Variants in PBX3 observed in about 807,000 individuals in gnomAD.
PBX3 encodes the protein PBX homeobox 3.
PBX3 carries 14 observed loss-of-function variants against 48.5 expected under a neutral mutation model. That is an observed-to-expected ratio of 0.29 (90% CI 0.19 to 0.45). The LOEUF (loss-of-function observed/expected upper bound fraction) is 0.45, where lower values mean the gene tolerates loss of function less well. Among genes scored for constraint, PBX3 ranks in the 20% least tolerant of loss-of-function variants. The pLI is 1.00. For synonymous variants in PBX3, 210 were observed against 200.3 expected, an observed-to-expected ratio of 1.05 and a Z score of -0.41; for missense variants, 386 against 546.7, an observed-to-expected ratio of 0.71 and a Z score of 2.93.
chr9:125,795,431 G>A (rs1837749704), intron 2 of PBX3, among the ~76,000 whole-genome samples: 1 of 152,126 alleles, frequency 6.6e-6, no homozygotes, highest in African/African-American at 2.4e-5. Flanking sequence ...TCTTTTTACT[G>A]ATATTATATT....
intron 3 of PBX3, among the ~76,000 whole-genome samples, chr9:125,925,402 A>T (rs184041062): frequency 2.0e-5 from 3 of 152,248 alleles, no homozygotes; most frequent in Admixed American, 2.0e-4. Flanking sequence ...AAAGAGTACA[A>T]AAAAGGAATG....
chr9:125,752,882 AC>A (rs1330815325), intron 2 of PBX3, among the ~76,000 whole-genome samples: 2 of 152,214 alleles, frequency 1.3e-5, no homozygotes, highest in African/African-American at 4.8e-5. Flanking sequence ...AAACAAATGC[AC>A]TGTTCCATAC....
At chr9:125,887,809 A>T (rs769355562) in intron 2 of PBX3, among the ~76,000 whole-genome samples, 1 of 152,188 alleles carries the variant, frequency 6.6e-6, no homozygotes, top group Non-Finnish European at 1.5e-5. Context: ...AATTTATCTC[A>T]TGTTTATCAA....
intron 2 of PBX3, among the ~76,000 whole-genome samples, chr9:125,764,754 G>A (rs984775673): frequency 1.3e-5 from 2 of 152,076 alleles, no homozygotes; most frequent in African/African-American, 4.8e-5. Context: ...TGATTGCAAA[G>A]GTTTGCTTTT....
chr9:125,750,795 C>G (rs1836353256), intron 2 of PBX3, among the ~76,000 whole-genome samples: 1 of 152,188 alleles, frequency 6.6e-6, no homozygotes, highest in Non-Finnish European at 1.5e-5. Flanking sequence ...GCTAGCCTCT[C>G]TAAGCTCGAG....
intron 2 of PBX3, among the ~76,000 whole-genome samples, chr9:125,880,276 C>T (rs1840351497): frequency 6.6e-6 from 1 of 152,218 alleles, no homozygotes; most frequent in South Asian, 2.1e-4. Flanking sequence ...AACTCCTGAC[C>T]TCGTGATCCG....
intron 2 of PBX3, among the ~76,000 whole-genome samples, chr9:125,835,125 C>A (rs571957810): frequency 6.6e-6 from 1 of 150,966 alleles, no homozygotes; most frequent in Non-Finnish European, 1.5e-5. Context: ...AAAAGTCCAT[C>A]CTCACTCAAA....
In PBX3 at chr9:125,965,075, T is replaced by C. The variant is rs575485676; in HGVS notation, c.1213-756T>C. ...CCTCTTCCTGACTGACATAAAAATA[T>C]GTAGCGACAAGCTGTCTGCCACAGC... is the stretch of plus-strand genomic sequence containing the variant. On this transcript the variant is annotated intron_variant, in intron 8 of 8. Transcript: ENST00000373489. Among the ~76,000 whole-genome samples the C allele has an allele frequency of 1.4e-3, 212 of 152,350 alleles. 1 individual carries two copies. The highest frequency in any genetic ancestry group is 4.8e-3 in the African/African-American group (199 of 41,590).
intron 2 of PBX3, among the ~76,000 whole-genome samples, chr9:125,858,181 T>C (rs1839770945): frequency 6.6e-6 from 1 of 152,112 alleles, no homozygotes; most frequent in African/African-American, 2.4e-5. Context: ...CTGGGCAATA[T>C]AGGGAGACCC....
chr9:125,836,783 AC>A (rs1042724038), intron 2 of PBX3, among the ~76,000 whole-genome samples: 2 of 152,242 alleles, frequency 1.3e-5, no homozygotes, highest in African/African-American at 4.8e-5. Context: ...ATGTAAAACT[AC>A]TATGTATCCA....
At chr9:125,814,548 A>G (rs1302383894) in intron 2 of PBX3, among the ~76,000 whole-genome samples, 1 of 152,198 alleles carries the variant, frequency 6.6e-6, no homozygotes, top group Non-Finnish European at 1.5e-5. Flanking sequence ...TAACAGATAG[A>G]TGCAATTCTA....
At chr9:125,911,778 A>C (rs1564169767) in intron 2 of PBX3, among the ~76,000 whole-genome samples, 1 of 152,132 alleles carries the variant, frequency 6.6e-6, no homozygotes, top group Admixed American at 6.6e-5. Flanking sequence ...AAAATCAAAC[A>C]ACTCAAGTTT....
At chr9:125,880,875 A>G (rs867783971) in intron 2 of PBX3, among the ~76,000 whole-genome samples, 1 of 152,202 alleles carries the variant, frequency 6.6e-6, no homozygotes, top group African/African-American at 2.4e-5. Context: ...TTTTTGTGCA[A>G]TAAAGTAGAA....
At chr9:125,817,701 T>G (rs1296765204) in intron 2 of PBX3, among the ~76,000 whole-genome samples, 1 of 152,244 alleles carries the variant, frequency 6.6e-6, no homozygotes, top group Non-Finnish European at 1.5e-5. Context: ...TCATTCAGCT[T>G]TGATTCTAAC....
At chr9:125,752,764 GAAA>G (rs1836411125) in intron 2 of PBX3, among the ~76,000 whole-genome samples, 1 of 152,138 alleles carries the variant, frequency 6.6e-6, no homozygotes, top group African/African-American at 2.4e-5. Flanking sequence ...CAAGAAAGGT[GAAA>G]ATTGTTATAT....
At chr9:125,895,539 C>T (rs946517345) in intron 2 of PBX3, among the ~76,000 whole-genome samples, 9 of 151,948 alleles carry the variant, frequency 5.9e-5, no homozygotes, top group African/African-American at 1.2e-4. Context: ...AGCGCTACAA[C>T]GAACTTTTGG....
chr9:125,933,298 A>G (rs1005683902), intron 4 of PBX3, among the ~76,000 whole-genome samples: 2 of 152,208 alleles, frequency 1.3e-5, no homozygotes, highest in African/African-American at 2.4e-5. Context: ...GCATGCACCA[A>G]TGCAAAACAT....
chr9:125,775,799 G>T (rs1383171277), intron 2 of PBX3, among the ~76,000 whole-genome samples: 2 of 152,132 alleles, frequency 1.3e-5, no homozygotes. Flanking sequence ...GAGTTGCATT[G>T]AATTTGTACA....
intron 2 of PBX3, among the ~76,000 whole-genome samples, chr9:125,783,788 C>T (rs1837386665): frequency 6.6e-6 from 1 of 151,936 alleles, no homozygotes; most frequent in African/African-American, 2.4e-5. Context: ...CACCTGAAGT[C>T]AGGAGTTCGA....
Sources: gnomAD v4.1 joint callset for allele counts (sites outside exome capture counted in the v4.1 genomes callset) on GRCh38, gnomAD v4.1.1 for gene constraint, MANE v1.5 for transcripts, NCBI Gene and HGNC (gene_info 2026-07-23, HGNC 2026-07-21) for gene names.